Variants in SYN3 observed in about 807,000 individuals in gnomAD.
SYN3 encodes synapsin III, also known as synapsin-3.
Under a neutral mutation model 65.8 loss-of-function variants are expected in SYN3, and 35 were observed. The observed-to-expected ratio is 0.53, with a 90% confidence interval of 0.41 to 0.70. The LOEUF (loss-of-function observed/expected upper bound fraction) is 0.70. Among genes scored for constraint, SYN3 ranks in the 30% least tolerant of loss-of-function variants. The probability of loss-of-function intolerance (pLI) is 0.00; values close to 1 mark genes in which losing one functional copy is unlikely to be tolerated. For missense variants in SYN3, 680 were observed against 749.0 expected (o/e 0.91, Z 1.08); for synonymous variants, 270 against 292.9 (o/e 0.92, Z 0.80).
chr22:32,851,404 C>T (rs934177851), intron 6 of SYN3, among the ~76,000 whole-genome samples: 1 of 152,144 alleles, frequency 6.6e-6, no homozygotes, highest in African/African-American at 2.4e-5. Flanking sequence ...GTCCCATTCC[C>T]CCTTGCTGGT....
At chr22:33,028,493 C>G (rs2053676602) in intron 1 of SYN3, among the ~76,000 whole-genome samples, 1 of 152,234 alleles carries the variant, frequency 6.6e-6, no homozygotes, top group African/African-American at 2.4e-5. Context: ...AAAGGCAGAT[C>G]ATCTTTCCAG....
At chr22:32,602,141 T>C (rs1014390802) in intron 6 of SYN3, among the ~76,000 whole-genome samples, 1 of 152,182 alleles carries the variant, frequency 6.6e-6, no homozygotes. Flanking sequence ...GAATTTTGCA[T>C]CTATCTTCTC....
intron 1 of SYN3, among the ~76,000 whole-genome samples, chr22:33,029,282 C>T (rs887180551): frequency 7.2e-5 from 11 of 151,846 alleles, no homozygotes; most frequent in Non-Finnish European, 1.5e-4. Flanking sequence ...TTAAGCAATC[C>T]TCCTGCCTTA....
intron 6 of SYN3, among the ~76,000 whole-genome samples, chr22:32,800,058 TA>T (rs2046526627): frequency 6.6e-6 from 1 of 152,124 alleles, no homozygotes; most frequent in Non-Finnish European, 1.5e-5. Context: ...TTCCTATGGC[TA>T]AAGTGCTCAA....
chr22:32,836,710 C>T (rs918715780), intron 6 of SYN3, among the ~76,000 whole-genome samples: 7 of 152,078 alleles, frequency 4.6e-5, no homozygotes, highest in East Asian at 1.9e-4. Flanking sequence ...AGGGGACACC[C>T]GCTGCAGCAG....
At chr22:33,027,292 A>G (rs2145880782) in intron 1 of SYN3, among the ~76,000 whole-genome samples, 1 of 152,220 alleles carries the variant, frequency 6.6e-6, no homozygotes, top group South Asian at 2.1e-4. Context: ...CATTTCCTTT[A>G]AACAAACAAA....
intron 6 of SYN3, among the ~76,000 whole-genome samples, chr22:32,768,462 G>C (rs1411768803): frequency 2.0e-5 from 3 of 152,062 alleles, no homozygotes; most frequent in Non-Finnish European, 4.4e-5. Context: ...TACATTCTCA[G>C]GTTCAATCGC....
intron 9 of SYN3, among the ~76,000 whole-genome samples, chr22:32,534,432 C>T (rs918038502): frequency 5.0e-5 from 7 of 140,070 alleles, no homozygotes; most frequent in African/African-American, 1.8e-4. Context: ...TCCCAGGGCC[C>T]GGGGCGGGTG....
chr22:33,034,409 C>T (rs2053815278), intron 1 of SYN3, among the ~76,000 whole-genome samples: 1 of 151,660 alleles, frequency 6.6e-6, no homozygotes, highest in Admixed American at 6.6e-5. Context: ...GCCACACCCC[C>T]AGCTAATTTT....
intron 4 of SYN3, among the ~76,000 whole-genome samples, chr22:32,897,499 C>T (rs577866959): frequency 2.8e-4 from 43 of 152,288 alleles, no homozygotes; most frequent in Non-Finnish European, 5.0e-4. Flanking sequence ...TCTGCTTCCC[C>T]GCCGGCCTCC....
chr22:33,050,567 T>C (rs2054149239), intron 1 of SYN3, among the ~76,000 whole-genome samples: 1 of 150,988 alleles, frequency 6.6e-6, no homozygotes, highest in Non-Finnish European at 1.5e-5. Flanking sequence ...AGAACCAGGG[T>C]CCTCCAATCT....
intron 6 of SYN3, among the ~76,000 whole-genome samples, chr22:32,757,942 A>C (rs2045345314): frequency 6.6e-6 from 1 of 152,250 alleles, no homozygotes; most frequent in Non-Finnish European, 1.5e-5. Flanking sequence ...AAAGAAGGCA[A>C]TATCAATACC....
chr22:32,960,320 G>C (rs909690353), intron 3 of SYN3, among the ~76,000 whole-genome samples: 1 of 152,168 alleles, frequency 6.6e-6, no homozygotes, highest in Non-Finnish European at 1.5e-5. Flanking sequence ...ATAGGCACCA[G>C]GCAACTAGGG....
intron 7 of SYN3, among the ~76,000 whole-genome samples, chr22:32,592,142 T>G (rs995169906): frequency 1.3e-5 from 2 of 152,216 alleles, no homozygotes; most frequent in African/African-American, 4.8e-5. Flanking sequence ...AGCAGACAAG[T>G]GGGATCGACT....
intron 6 of SYN3, among the ~76,000 whole-genome samples, chr22:32,839,084 G>C (rs2047819124): frequency 6.6e-6 from 1 of 151,888 alleles, no homozygotes; most frequent in Non-Finnish European, 1.5e-5. Context: ...AGATGCACAG[G>C]GAGGAAGTGA....
intron 6 of SYN3, among the ~76,000 whole-genome samples, chr22:32,678,868 A>G (rs1232067192): frequency 6.6e-6 from 1 of 151,952 alleles, no homozygotes; most frequent in Non-Finnish European, 1.5e-5. Context: ...ACTATTTTAG[A>G]TGCCTCATAT....
chr22:32,813,274 T>C (rs2046961620), intron 6 of SYN3, among the ~76,000 whole-genome samples: 1 of 152,162 alleles, frequency 6.6e-6, no homozygotes, highest in Admixed American at 6.5e-5. Context: ...GCAAGTGTGA[T>C]GATAAACAGC....
chr22:32,758,603 G>T (rs2045360587), intron 6 of SYN3, among the ~76,000 whole-genome samples: 1 of 143,786 alleles, frequency 7.0e-6, no homozygotes, highest in African/African-American at 2.6e-5. Flanking sequence ...CCTCAGACTG[G>T]CTCTCCTTGC....
At chr22:32,994,715 C>G (rs994641702) in intron 2 of SYN3, among the ~76,000 whole-genome samples, 1 of 152,140 alleles carries the variant, frequency 6.6e-6, no homozygotes, top group African/African-American at 2.4e-5. Context: ...ACTGCCAGCC[C>G]GCCAGGATCT....
Sources: gnomAD v4.1 joint callset for allele counts (sites outside exome capture counted in the v4.1 genomes callset) on GRCh38, gnomAD v4.1.1 for gene constraint, MANE v1.5 for transcripts, NCBI Gene and HGNC (gene_info 2026-07-23, HGNC 2026-07-21) for gene names.